Variants in CLDN1 observed in about 807,000 individuals in gnomAD.
CLDN1 encodes the protein claudin 1, also known as claudin-1.
In CLDN1, 12 loss-of-function variants were observed where a neutral mutation model predicts 22.6. The observed-to-expected ratio is 0.53, with a 90% CI of 0.34 to 0.86. The LOEUF is 0.86. Among genes scored for constraint, CLDN1 ranks in the 40% least tolerant of loss-of-function variants. The pLI, the probability that CLDN1 is intolerant of heterozygous loss-of-function variation, is 0.02. For missense variants in CLDN1, 250 were observed against 269.5 expected (o/e 0.93, Z 0.51); for synonymous variants, 99 against 103.8 (o/e 0.95, Z 0.28).
At chr3:190,314,075 CTG>C (rs1402581739) in intron 1 of CLDN1, among the ~76,000 whole-genome samples, 1 of 152,120 alleles carries the variant, frequency 6.6e-6, no homozygotes, top group Non-Finnish European at 1.5e-5. Context: ...CTTTAACAAA[CTG>C]TGCTATCTTG....
At chr3:190,319,556 A>T (rs1227782970) in intron 1 of CLDN1, among the ~76,000 whole-genome samples, 1 of 152,158 alleles carries the variant, frequency 6.6e-6, no homozygotes, top group Non-Finnish European at 1.5e-5. Context: ...GACCTACCCT[A>T]CATAAAGCAG....
In CLDN1 at chr3:190,311,982, C is replaced by T. The variant is rs371738219; in HGVS notation, c.388+890G>A. ...TTTTCTTTTTTTTTTAGACAGTCTT[C>T]TGTTGCTTAGGCTGGAGTGCAGTGG... On this transcript the variant is annotated intron_variant, in intron 2 of 3. Coordinates refer to ENST00000295522, the MANE Select transcript of CLDN1 (RefSeq NM_021101.5). Among the ~76,000 whole-genome samples the T allele has an allele frequency of 1.1e-3, 167 of 146,514 alleles. 3 individuals are homozygous for T. The South Asian group carries it at 0.035, about 30-fold the overall frequency.
intron 1 of CLDN1, among the ~76,000 whole-genome samples, chr3:190,320,774 G>A (rs1716896760): frequency 6.6e-6 from 1 of 152,132 alleles, no homozygotes; most frequent in Non-Finnish European, 1.5e-5. Flanking sequence ...GGGCCAGTGG[G>A]CAGTCACGTT....
At chr3:190,320,834 T>A (rs1716898260) in intron 1 of CLDN1, among the ~76,000 whole-genome samples, 1 of 152,104 alleles carries the variant, frequency 6.6e-6, no homozygotes, top group Non-Finnish European at 1.5e-5. Context: ...TTAAAGGGCA[T>A]AACAGACACA....
rs1161294705 is a variant in CLDN1, at chr3:190,312,867, A to AT, written c.388+4dup. The AT allele has an allele frequency of 6.2e-7, 1 of 1,613,910 alleles. No individual in the cohort carries two copies. Among genetic ancestry groups the AT allele is most frequent in the African/African-American group, 1.3e-5 (1 of 74,928 alleles). ...AAGGTGAAAGGGGGGCACAGCCTCT[A>AT]TTACCTGCAAGAAGAAATATCGCAC... On this transcript the variant is annotated splice_donor_region_variant and intron_variant, in intron 2 of 3. Transcript: ENST00000295522.
intron 1 of CLDN1, among the ~76,000 whole-genome samples, chr3:190,317,785 G>A (rs1265216396): frequency 6.6e-6 from 1 of 152,138 alleles, no homozygotes; most frequent in African/African-American, 2.4e-5. Flanking sequence ...TGCAGGCTTT[G>A]GACTCTCAGA....
chr3:190,311,646 T>C (rs1421379740), intron 2 of CLDN1, among the ~76,000 whole-genome samples: 2 of 150,968 alleles, frequency 1.3e-5, no homozygotes, highest in East Asian at 3.9e-4. Context: ...ATATAATATA[T>C]GCATCTAATA....
Position 190,306,668 on chromosome 3 carries a change from A to G in CLDN1, c.*1609T>C, listed in dbSNP as rs9290928. 0.66 allele frequency: 101,037 copies of G among 152,528 alleles called. 34,534 individuals are homozygous for G. The highest frequency in any genetic ancestry group is 0.83 in the African/African-American group (34,491 of 41,500). 9.4% of individuals were successfully genotyped at this position (152,528 alleles called of 1,614,324 possible). On this transcript the variant is annotated 3_prime_UTR_variant, in exon 4 of 4. Coordinates refer to ENST00000295522, the MANE Select transcript of CLDN1 (RefSeq NM_021101.5). Reference sequence around the variant, plus strand: ...CTCAAATCCAGGTCTCCAGACACCAATGCCAACACCCTTTCCATTACATCA... The same window carrying G: ...CTCAAATCCAGGTCTCCAGACACCAGTGCCAACACCCTTTCCATTACATCA...
intron 1 of CLDN1, among the ~76,000 whole-genome samples, chr3:190,317,687 C>G: frequency 6.6e-6 from 1 of 152,106 alleles, no homozygotes; most frequent in East Asian, 1.9e-4. Flanking sequence ...GTTCCAGGAC[C>G]ACCCACAGGT....
intron 2 of CLDN1, among the ~76,000 whole-genome samples, chr3:190,311,138 G>A (rs3774026): frequency 0.12 from 18,529 of 152,068 alleles, 1,640 homozygotes; most frequent in East Asian, 0.49. Context: ...TAGACCATGC[G>A]AATGGTCTTG....
At position 190,322,189 on chromosome 3, in the gene CLDN1, C is replaced by A; in HGVS notation, c.18G>T (p.Leu6=). 1.9e-6 allele frequency: 3 copies of A among 1,613,956 alleles called. No individual in the cohort carries two copies. Among genetic ancestry groups the A allele is most frequent in the Non-Finnish European group, 2.5e-6 (3 of 1,180,030 alleles). MANAG[L]QLLGFILAFL... is the part of the protein sequence containing the mutation. Reference sequence around the variant, plus strand: ...AGGCGAGAATGAAGCCCAACAGCTGCAGCCCCGCGTTGGCCATGACTCGCT... The same window carrying A: ...AGGCGAGAATGAAGCCCAACAGCTGAAGCCCCGCGTTGGCCATGACTCGCT... The change falls in exon 1 of 4, where the codon CTG becomes CTT. Residue 6 remains leucine, a synonymous_variant. Coordinates refer to ENST00000295522, the MANE Select transcript of CLDN1 (RefSeq NM_021101.5).
intron 2 of CLDN1, among the ~76,000 whole-genome samples, 181 bp from the exon 3 acceptor site, chr3:190,310,434 T>C (rs139053137): frequency 3.3e-5 from 5 of 152,288 alleles, no homozygotes; most frequent in Admixed American, 2.0e-4. Flanking sequence ...TCTATTAAAA[T>C]ATAAAAAAAT....
Position 190,322,279 on chromosome 3 carries a change from C to T in CLDN1, c.-73G>A, listed in dbSNP as rs1716949124. 2 of 1,363,782 alleles carry T rather than the reference C, an allele frequency of 1.5e-6. No homozygotes were observed. Among genetic ancestry groups the T allele is most frequent in the Admixed American group, 1.8e-5 (1 of 55,774 alleles). The allele number at this position is 1,363,782 out of a possible 1,614,324, so 84.5% of individuals were successfully genotyped here. A position where few individuals can be genotyped will look rare whatever the true frequency, so the allele number is the denominator to read the frequency against. On this transcript the variant is annotated 5_prime_UTR_variant, in exon 1 of 4. Transcript: ENST00000295522. ...GCGGAGAGTTTGCAGGTGGGCAACC[C>T]GGACTCCCGAAGGTGGCTGGGCCCC...
At chr3:190,321,666 G>GAGT (rs924743692) in intron 1 of CLDN1, among the ~76,000 whole-genome samples, 2 of 152,108 alleles carry the variant, frequency 1.3e-5, no homozygotes, top group Non-Finnish European at 2.9e-5. Flanking sequence ...ATGCCTAGGA[G>GAGT]AGGTCTAAGA....
rs1396056054 is a variant in CLDN1 at position 190,306,900 on chromosome 3, T to A, written c.*1377A>T. 6.6e-6 allele frequency: 1 copy of A among 152,610 alleles called. No individual in the cohort carries two copies. The highest frequency in any genetic ancestry group is 6.6e-5 in the Admixed American group (1 of 15,262). 9.5% of individuals were successfully genotyped at this position (152,610 alleles called of 1,614,324 possible). ...AGAGAGAGGAAGGCACTGAACCACATGAAGGTATGTGTGTAGGTTTTGTTC... is the reference window on the plus strand; with the variant it reads ...AGAGAGAGGAAGGCACTGAACCACAAGAAGGTATGTGTGTAGGTTTTGTTC... On this transcript the variant is annotated 3_prime_UTR_variant, in exon 4 of 4. Coordinates refer to ENST00000295522, the MANE Select transcript of CLDN1 (RefSeq NM_021101.5).
rs900346843 is a variant in CLDN1, at chr3:190,322,194, C to G, written c.13G>C (p.Gly5Arg). MANAGLQLLGFILAF... is the reference protein window; with the variant it reads MANARLQLLGFILAF... ...AGAATGAAGCCCAACAGCTGCAGCC[C>G]CGCGTTGGCCATGACTCGCTCGGGC... Residue 5 changes from glycine to arginine, a missense_variant, in exon 1 of 4, where the codon GGG becomes CGG. Coordinates refer to ENST00000295522, the MANE Select transcript of CLDN1 (RefSeq NM_021101.5). The G allele has an allele frequency of 6.2e-7, 1 of 1,613,680 alleles. No homozygotes were observed. The highest frequency in any genetic ancestry group is 8.5e-7 in the Non-Finnish European group (1 of 1,180,020).
rs752183745 is a variant in CLDN1 at position 190,308,453 on chromosome 3, C to G, written c.474-14G>C. ...CCAAATTCGTACCTAAAAGGAAAAA[C>G]CCATGTGCTTGTTAATCAGTGAATT... On this transcript the variant is annotated splice_polypyrimidine_tract_variant and intron_variant, in intron 3 of 3. Transcript: ENST00000295522. The G allele has an allele frequency of 6.2e-7, 1 of 1,612,936 alleles. No homozygotes were observed. The highest frequency in any genetic ancestry group is 1.1e-5 in the South Asian group (1 of 91,032).
intron 1 of CLDN1, 69 bp from the exon 2 acceptor site, chr3:190,313,105 A>C: frequency 6.4e-7 from 1 of 1,559,396 alleles, no homozygotes. Flanking sequence ...GAAGAAGACC[A>C]AGTATATGTC....
chr3:190,310,821 A>T (rs1452559442), intron 2 of CLDN1, among the ~76,000 whole-genome samples: 1 of 152,132 alleles, frequency 6.6e-6, no homozygotes, highest in Non-Finnish European at 1.5e-5. Context: ...TTGGCCTGAG[A>T]TTTGTTGAGG....
Sources: allele counts gnomAD v4.1 joint callset (sites outside exome capture counted in the v4.1 genomes callset), GRCh38; gene constraint gnomAD v4.1.1; transcripts MANE v1.5; gene names NCBI Gene and HGNC (gene_info 2026-07-23, HGNC 2026-07-21).